Variants in RPL36AL observed in about 807,000 individuals in gnomAD.
The protein encoded by RPL36AL is ribosomal protein L36a like.
In RPL36AL, 8 loss-of-function variants were observed where a neutral mutation model predicts 7.9. The ratio of observed to expected loss-of-function variants is 1.02; its 90% CI spans 0.60 to 1.84. The LOEUF (loss-of-function observed/expected upper bound fraction) is 1.84, where lower values mean the gene tolerates loss of function less well. Ranked by LOEUF, RPL36AL falls within the 40% of genes most tolerant of loss-of-function variation. The pLI is 0.00. For missense variants in RPL36AL, 76 were observed against 126.8 expected (o/e 0.60, Z 1.93); for synonymous variants, 44 against 44.8 (o/e 0.98, Z 0.07).
chr14:49,619,364 A>G (rs866606826), intron 1 of RPL36AL, among the ~76,000 whole-genome samples: 11 of 152,210 alleles, frequency 7.2e-5, no homozygotes, highest in African/African-American at 2.7e-4. Context: ...GAACTGAGGC[A>G]AGGCCGAGCA....
chr14:49,619,802 T>C lies in RPL36AL; in HGVS notation c.-36-662A>G, dbSNP rs1286116803. Reference sequence around the variant, plus strand: ...CTAAATTGTCTACCAAGAATTTACATTAAAATAACACAAGCGATTGATTGG... The same window carrying C: ...CTAAATTGTCTACCAAGAATTTACACTAAAATAACACAAGCGATTGATTGG... On this transcript the variant is annotated intron_variant, in intron 1 of 1. Transcript: ENST00000298289. Among the ~76,000 whole-genome samples, 4 of 152,126 alleles carry C rather than the reference T, an allele frequency of 2.6e-5. No homozygotes were observed. The East Asian group carries it at 5.8e-4, about 22-fold the overall frequency.
At position 49,619,031 on chromosome 14, in the gene RPL36AL, T is replaced by G. The variant is rs1882750266; in HGVS notation, c.74A>C (p.Gln25Pro). The stretch of plus-strand genomic sequence containing the variant: ...CAAAGAATCCTTGCCCTTCTTATAC[T>G]GTGTCACTTTGTGAGGCTGATGCTT... ...CGKHQPHKVT[Q>P]YKKGKDSLYA... The change falls in exon 2 of 2, where the codon CAG (glutamine) becomes CCG (proline). Residue 25 changes from glutamine (Q) to proline (P), a missense_variant. Coordinates refer to ENST00000298289, the MANE Select transcript of RPL36AL (RefSeq NM_001001.5). 1 of 1,613,870 alleles carries G rather than the reference T, an allele frequency of 6.2e-7. No homozygotes were observed.
chr14:49,619,057 G>A lies in RPL36AL; in HGVS notation c.48C>T (p.Gly16=), dbSNP rs915246951. 1 of 1,613,790 alleles carries A rather than the reference G, an allele frequency of 6.2e-7. No homozygotes were observed. The highest frequency in any genetic ancestry group is 8.5e-7 in the Non-Finnish European group (1 of 1,179,752). ...GTGTCACTTTGTGAGGCTGATGCTT[G>A]CCACACTTCTTACAGAAGGTTCTTC... ...KTRRTFCKKC[G]KHQPHKVTQY... The change falls in exon 2 of 2, where the codon GGC becomes GGT. Residue 16 remains glycine (G), a synonymous_variant. Transcript: ENST00000298289.
In RPL36AL at chr14:49,618,686, AG is replaced by A. The variant is rs762561709; in HGVS notation, c.*97del. The A allele has an allele frequency of 1.7e-4, 166 of 981,172 alleles. No individual in the cohort carries two copies. The highest frequency in any genetic ancestry group is 2.4e-4 in the Non-Finnish European group (160 of 656,152). The allele number at this position is 981,172 out of a possible 1,614,324, so 60.8% of individuals were successfully genotyped here. ...CTATTTATAAGTAAAAACCACAAAA[AG>A]TTTGCGTAAGAATATCACTGTATTT... On this transcript the variant is annotated 3_prime_UTR_variant, in exon 2 of 2. Transcript: ENST00000298289.
chr14:49,619,960 G>A (rs1882785377), intron 1 of RPL36AL, among the ~76,000 whole-genome samples: 1 of 152,046 alleles, frequency 6.6e-6, no homozygotes, highest in Non-Finnish European at 1.5e-5. Context: ...TCTGGGCCCG[G>A]CAAATTTTGC....
rs560862356 is a variant in RPL36AL, at chr14:49,620,349, G to A, written c.-37+213C>T. Among the ~76,000 whole-genome samples, 4 of 152,346 alleles carry A rather than the reference G, an allele frequency of 2.6e-5. No homozygotes were observed. The South Asian group carries it at 6.2e-4, about 24-fold the overall frequency. ...CACAGTCACCCGTCAGCAGCCTCGA[G>A]GGCTGACGTGTCCTTATCAAGCCGG... On this transcript the variant is annotated intron_variant, in intron 1 of 1. Coordinates refer to ENST00000298289, the MANE Select transcript of RPL36AL (RefSeq NM_001001.5).
At chr14:49,620,354 G>C (rs1882797763) in intron 1 of RPL36AL, among the ~76,000 whole-genome samples, 1 of 152,242 alleles carries the variant, frequency 6.6e-6, no homozygotes, top group South Asian at 2.1e-4. Context: ...CTCGAGGGCT[G>C]ACGTGTCCTT....
Position 49,618,815 on chromosome 14 carries a change from T to C in RPL36AL, c.290A>G (p.Lys97Arg), listed in dbSNP as rs1882741039. 4 of 1,612,198 alleles carry C rather than the reference T, an allele frequency of 2.5e-6. No individual in the cohort carries two copies. The highest frequency in any genetic ancestry group is 3.4e-6 in the Non-Finnish European group (4 of 1,179,812). ...RCKHFELGGD[K>R]KRKGQVIQF ...CTGGATCACTTGGCCCTTTCTCTTC[T>C]TATCTCCTCCCAGTTCAAAATGCTT... Residue 97 changes from lysine to arginine, a missense_variant, in exon 2 of 2, where the codon AAG becomes AGG. Coordinates refer to ENST00000298289, the MANE Select transcript of RPL36AL (RefSeq NM_001001.5).
Position 49,618,776 on chromosome 14 carries a change from C to G in RPL36AL, c.*8G>C. ...TCTCTTCAAAATTGAAGAAAAATAT[C>G]CCAAAGTTTAGAACTGGATCACTTG... On this transcript the variant is annotated 3_prime_UTR_variant, in exon 2 of 2. Transcript: ENST00000298289. 6.2e-7 allele frequency: 1 copy of G among 1,600,300 alleles called. No homozygotes were observed. Among genetic ancestry groups the G allele is most frequent in the Non-Finnish European group, 8.5e-7 (1 of 1,173,842 alleles).
intron 1 of RPL36AL, among the ~76,000 whole-genome samples, chr14:49,619,646 C>T (rs1485288616): frequency 6.6e-6 from 1 of 151,746 alleles, no homozygotes; most frequent in Non-Finnish European, 1.5e-5. Context: ...AAAAAAAGAA[C>T]TGAGGCACAA....
Position 49,618,844 on chromosome 14 carries a change from T to C in RPL36AL, c.261A>G (p.Arg87=). The part of the protein sequence containing the change: ...CRSKRMLAIK[R]CKHFELGGDK... ...CTCCTCCCAGTTCAAAATGCTTGCA[T>C]CTCTTAATGGCCAGCATCCTCTTGG... The change falls in exon 2 of 2, where the codon AGA becomes AGG. Residue 87 remains arginine, a synonymous_variant. Coordinates refer to ENST00000298289, the MANE Select transcript of RPL36AL (RefSeq NM_001001.5). The C allele has an allele frequency of 6.2e-7, 1 of 1,612,278 alleles. No individual in the cohort carries two copies. The highest frequency in any genetic ancestry group is 8.5e-7 in the Non-Finnish European group (1 of 1,179,774).
At chr14:49,620,060 G>A (rs765062168) in intron 1 of RPL36AL, among the ~76,000 whole-genome samples, 11 of 152,132 alleles carry the variant, frequency 7.2e-5, no homozygotes, top group African/African-American at 1.2e-4. Context: ...AGCTTTAGGA[G>A]GCCCAATACA....
intron 1 of RPL36AL, among the ~76,000 whole-genome samples, chr14:49,619,666 G>A (rs1882776051): frequency 1.3e-5 from 2 of 152,130 alleles, no homozygotes; most frequent in African/African-American, 2.4e-5. Context: ...ATTCATATAA[G>A]TAGAATGTTT....
Position 49,619,084 on chromosome 14 carries a change from G to A in RPL36AL, c.21C>T (p.Thr7=). Residue 7 remains threonine (T), a synonymous_variant, in exon 2 of 2, where the codon ACC becomes ACT. Transcript: ENST00000298289. ...CACACTTCTTACAGAAGGTTCTTCGGGTTTTAGGTACGTTGACCATCTTTG... is the reference window on the plus strand; with the variant it reads ...CACACTTCTTACAGAAGGTTCTTCGAGTTTTAGGTACGTTGACCATCTTTG... MVNVPK[T]RRTFCKKCGK... 1 of 1,611,164 alleles carries A rather than the reference G, an allele frequency of 6.2e-7. No homozygotes were observed.
intron 1 of RPL36AL, among the ~76,000 whole-genome samples, chr14:49,619,504 TG>T (rs1882769047): frequency 7.2e-6 from 1 of 139,144 alleles, no homozygotes; most frequent in Admixed American, 7.1e-5. Flanking sequence ...AAAATTAGCC[TG>T]GCGTGGTGGT....
At chr14:49,619,963 A>G (rs1043462280) in intron 1 of RPL36AL, among the ~76,000 whole-genome samples, 3 of 152,118 alleles carry the variant, frequency 2.0e-5, no homozygotes, top group Non-Finnish European at 4.4e-5. Context: ...GGGCCCGGCA[A>G]ATTTTGCACA....
chr14:49,619,481 C>T (rs1448788663), intron 1 of RPL36AL, among the ~76,000 whole-genome samples: 1 of 149,406 alleles, frequency 6.7e-6, no homozygotes, highest in African/African-American at 2.4e-5. Flanking sequence ...AACCCCGTCT[C>T]TACTAAAAAT....
rs1163027352 is a variant in RPL36AL, at chr14:49,618,978, G to C, written c.127C>G (p.Arg43Gly). ...LYAQGRRRYD[R>G]KQSGYGGQTK... ...TGCCCACCATAGCCACTCTGCTTCC[G>C]ATCATAGCGCCTCCTTCCCTGGGCA... The change falls in exon 2 of 2, where the codon CGG (arginine) becomes GGG (glycine). Residue 43 changes from arginine to glycine, a missense_variant. Physicochemically the swap from Arg to Gly is moderately radical, Grantham distance 125. Coordinates refer to ENST00000298289, the MANE Select transcript of RPL36AL (RefSeq NM_001001.5). The C allele has an allele frequency of 1.2e-6, 2 of 1,613,924 alleles. No homozygotes were observed. The highest frequency in any genetic ancestry group is 1.7e-6 in the Non-Finnish European group (2 of 1,179,864).
intron 1 of RPL36AL, among the ~76,000 whole-genome samples, chr14:49,619,472 A>AC (rs1245671256): frequency 6.8e-6 from 1 of 146,550 alleles, no homozygotes; most frequent in Non-Finnish European, 1.5e-5. Context: ...ACATGGAGAA[A>AC]CCCCGTCTCT....
Sources: gnomAD v4.1 joint callset for allele counts (sites outside exome capture counted in the v4.1 genomes callset) on GRCh38, gnomAD v4.1.1 for gene constraint, MANE v1.5 for transcripts, NCBI Gene and HGNC (gene_info 2026-07-23, HGNC 2026-07-21) for gene names.